The following CREB5 variants were observed in gnomAD, a reference collection of about 807,000 sequenced individuals.
The protein encoded by CREB5 is cAMP responsive element binding protein 5.
A neutral mutation model predicts 57.1 loss-of-function variants in CREB5; 19 were observed. The observed-to-expected ratio is 0.33, with a 90% CI of 0.23 to 0.49. The LOEUF is 0.49. Among genes scored for constraint, CREB5 ranks in the 20% least tolerant of loss-of-function variants. The pLI is 0.99. For missense variants in CREB5, 579 were observed against 671.6 expected, an observed-to-expected ratio of 0.86 and a Z score of 1.52; for synonymous variants, 238 against 238.3, an observed-to-expected ratio of 1.00 and a Z score of 0.01.
intron 5 of CREB5, among the ~76,000 whole-genome samples, chr7:28,617,938 A>G (rs1797653789): frequency 6.6e-6 from 1 of 152,246 alleles, no homozygotes; most frequent in South Asian, 2.1e-4. Flanking sequence ...GCCATTCCTT[A>G]TAAGCTAGTA....
chr7:28,421,015 T>G lies in CREB5; in HGVS notation c.3+8098T>G, dbSNP rs548832426. ...TCACTTATTTTTATTTCAATAGCTT[T>G]AGGGGTACAAGTGGTTTTGGTTACA... On this transcript the variant is annotated intron_variant, in intron 1 of 10. Coordinates refer to ENST00000357727, the MANE Select transcript of CREB5 (RefSeq NM_182898.4). Among the ~76,000 whole-genome samples, 8 of 152,284 alleles carry G rather than the reference T, an allele frequency of 5.3e-5. No individual in the cohort carries two copies. In the South Asian group the frequency reaches 1.7e-3, roughly 32 times the overall value.
At chr7:28,572,244 A>G (rs180787688) in intron 5 of CREB5, among the ~76,000 whole-genome samples, 5 of 152,364 alleles carry the variant, frequency 3.3e-5, no homozygotes, top group Non-Finnish European at 4.4e-5. Context: ...TTTTCTATTC[A>G]AGAAACAGAA....
At chr7:28,763,869 T>C (rs142755329) in intron 7 of CREB5, among the ~76,000 whole-genome samples, 44 of 152,040 alleles carry the variant, frequency 2.9e-4, no homozygotes, top group African/African-American at 9.2e-4. Context: ...GGCATGATCA[T>C]ACTCACTGCA....
At chr7:28,772,722 A>T (rs910143524) in intron 7 of CREB5, among the ~76,000 whole-genome samples, 6 of 152,192 alleles carry the variant, frequency 3.9e-5, no homozygotes, top group African/African-American at 1.4e-4. Context: ...TCATTTTTTG[A>T]TAAACTAACT....
intron 4 of CREB5, among the ~76,000 whole-genome samples, chr7:28,522,311 T>G (rs892089764): frequency 1.3e-5 from 2 of 152,130 alleles, no homozygotes; most frequent in Non-Finnish European, 2.9e-5. Flanking sequence ...GGTGGAAGCT[T>G]TTGCAGAACA....
At chr7:28,522,080 A>G (rs1456974924) in intron 4 of CREB5, among the ~76,000 whole-genome samples, 3 of 152,168 alleles carry the variant, frequency 2.0e-5, no homozygotes, top group Non-Finnish European at 2.9e-5. Flanking sequence ...CATCATAGCA[A>G]TCCTAGAAGA....
At chr7:28,337,962 A>G (rs1785859433) in intron 1 of CREB5, among the ~76,000 whole-genome samples, 1 of 152,172 alleles carries the variant, frequency 6.6e-6, no homozygotes, top group Non-Finnish European at 1.5e-5. Flanking sequence ...ATGACTGCAT[A>G]AACAAACTAA....
intron 1 of CREB5, among the ~76,000 whole-genome samples, chr7:28,393,728 G>C (rs1021207956): frequency 9.9e-5 from 15 of 152,190 alleles, no homozygotes; most frequent in African/African-American, 3.6e-4. Context: ...GGGAGGAATT[G>C]GGAATTCTCT....
intron 7 of CREB5, among the ~76,000 whole-genome samples, chr7:28,759,155 T>C (rs1805506241): frequency 6.6e-6 from 1 of 152,180 alleles, no homozygotes; most frequent in African/African-American, 2.4e-5. Flanking sequence ...AAAAAACAAG[T>C]AAATAAAGAT....
chr7:28,708,198 G>A (rs893357125), intron 5 of CREB5, among the ~76,000 whole-genome samples: 1 of 152,182 alleles, frequency 6.6e-6, no homozygotes, highest in African/African-American at 2.4e-5. Context: ...TTTCCTTGGA[G>A]AATAAGTGAT....
At chr7:28,313,417 T>C (rs1785316852) in intron 1 of CREB5, among the ~76,000 whole-genome samples, 1 of 152,214 alleles carries the variant, frequency 6.6e-6, no homozygotes, top group Admixed American at 6.5e-5. Context: ...CATCATAGTT[T>C]TAACAGAAAG....
In CREB5 at chr7:28,715,086, G is replaced by A. The variant is rs183676890; in HGVS notation, c.465-3667G>A. On this transcript the variant is annotated intron_variant, in intron 5 of 10. Transcript: ENST00000357727. ...TTAAAGGAAGAAAATGGAATTTCAT[G>A]TGGATGAGTGAATTCTCACGTTAGC... Among the ~76,000 whole-genome samples, 3 of 152,342 alleles carry A rather than the reference G, an allele frequency of 2.0e-5. No individual in the cohort carries two copies. In the East Asian group the frequency reaches 5.8e-4, roughly 29 times the overall value.
intron 7 of CREB5, among the ~76,000 whole-genome samples, chr7:28,754,915 T>A (rs544712435): frequency 6.6e-6 from 1 of 152,194 alleles, no homozygotes; most frequent in Non-Finnish European, 1.5e-5. Flanking sequence ...TAACAACAGC[T>A]TTTAAAATCT....
At chr7:28,702,704 A>C (rs985183702) in intron 5 of CREB5, among the ~76,000 whole-genome samples, 1 of 152,236 alleles carries the variant, frequency 6.6e-6, no homozygotes, top group African/African-American at 2.4e-5. Context: ...CAAAATAACC[A>C]TACCTATTAA....
chr7:28,709,076 C>T (rs532962212), intron 5 of CREB5, among the ~76,000 whole-genome samples: 2 of 152,156 alleles, frequency 1.3e-5, no homozygotes, highest in Non-Finnish European at 2.9e-5. Context: ...ATGTACAGCA[C>T]TTATTTGAGT....
intron 5 of CREB5, among the ~76,000 whole-genome samples, chr7:28,640,872 C>T (rs1374494423): frequency 1.3e-5 from 2 of 152,164 alleles, no homozygotes; most frequent in African/African-American, 4.8e-5. Flanking sequence ...GCAGCATGCC[C>T]CTGAGAAGGA....
chr7:28,721,551 C>G (rs1803032508), intron 6 of CREB5, among the ~76,000 whole-genome samples: 1 of 152,176 alleles, frequency 6.6e-6, no homozygotes, highest in African/African-American at 2.4e-5. Flanking sequence ...AAAGAGAAGT[C>G]TGTGTCTATA....
intron 7 of CREB5, among the ~76,000 whole-genome samples, chr7:28,734,608 A>G (rs1803867640): frequency 6.6e-6 from 1 of 152,178 alleles, no homozygotes; most frequent in Admixed American, 6.5e-5. Context: ...AGAAAGACAA[A>G]AAAATCTGAA....
At chr7:28,606,913 A>AT (rs1797154497) in intron 5 of CREB5, among the ~76,000 whole-genome samples, 1 of 152,132 alleles carries the variant, frequency 6.6e-6, no homozygotes, top group South Asian at 2.1e-4. Context: ...GGAGAGGGGA[A>AT]TTAGCATATT....
Sources: allele counts gnomAD v4.1 joint callset (sites outside exome capture counted in the v4.1 genomes callset), GRCh38; gene constraint gnomAD v4.1.1; transcripts MANE v1.5; gene names NCBI Gene and HGNC (gene_info 2026-07-23, HGNC 2026-07-21).